Variants in BCAS3 observed in about 807,000 individuals in gnomAD.
The protein encoded by BCAS3 is BCAS4/BCAS3 fusion.
Under a neutral mutation model 116.1 loss-of-function variants are expected in BCAS3, and 53 were observed. That is an observed-to-expected ratio of 0.46 (90% CI 0.37 to 0.57). BCAS3 has a LOEUF of 0.57. Ranked by LOEUF, BCAS3 falls within the 20% of genes least tolerant of loss-of-function variation. The pLI, the probability that BCAS3 is intolerant of heterozygous loss-of-function variation, is 0.00. For synonymous variants in BCAS3, 391 were observed against 408.2 expected, an observed-to-expected ratio of 0.96 and a Z score of 0.51; for missense variants, 917 against 1,165.4, an observed-to-expected ratio of 0.79 and a Z score of 3.10.
At chr17:60,820,535 A>G (rs529685010) in intron 7 of BCAS3, among the ~76,000 whole-genome samples, 10 of 152,328 alleles carry the variant, frequency 6.6e-5, no homozygotes, top group African/African-American at 2.2e-4. Context: ...TCATTCTACA[A>G]AATTTCACAC....
rs536483097 is a variant in BCAS3 at position 61,037,858 on chromosome 17, A to G, written c.1763-31A>G. On this transcript the variant is annotated intron_variant, in intron 17 of 23. Coordinates refer to ENST00000407086, the MANE Select transcript of BCAS3 (RefSeq NM_017679.5). The surrounding 1 kb of genome is among the most constrained non-coding windows in gnomAD (Gnocchi z 4.7). ...TTCTGTGCTCCATTTATGCCATCAT[A>G]ACACATCGGGTTCTGTTTCTCTGTT... 6.2e-7 allele frequency: 1 copy of G among 1,600,910 alleles called. No homozygotes were observed. The highest frequency in any genetic ancestry group is 8.5e-7 in the Non-Finnish European group (1 of 1,170,184).
intron 22 of BCAS3, among the ~76,000 whole-genome samples, chr17:61,292,613 T>C (rs2052535956): frequency 6.6e-6 from 1 of 151,948 alleles, no homozygotes; most frequent in Non-Finnish European, 1.5e-5. Context: ...GATCACGCCA[T>C]GCACTCCAGC....
intron 22 of BCAS3, among the ~76,000 whole-genome samples, chr17:61,154,803 A>G (rs1202750057): frequency 1.3e-5 from 2 of 152,046 alleles, no homozygotes; most frequent in Non-Finnish European, 2.9e-5. Flanking sequence ...CAGAATATTT[A>G]TTTAATGTGT....
chr17:60,958,049 G>A (rs1480188066), intron 14 of BCAS3, among the ~76,000 whole-genome samples: 2 of 152,226 alleles, frequency 1.3e-5, no homozygotes, highest in Non-Finnish European at 2.9e-5. Flanking sequence ...GGATGCCTAT[G>A]GTTGCCCCAG....
intron 14 of BCAS3, among the ~76,000 whole-genome samples, chr17:60,965,902 T>G (rs2061636914): frequency 6.6e-6 from 1 of 152,208 alleles, no homozygotes; most frequent in Non-Finnish European, 1.5e-5. Context: ...TTGTTGATTT[T>G]ATGTCTGAAT....
chr17:60,970,623 A>G (rs2061907097), intron 14 of BCAS3, among the ~76,000 whole-genome samples: 1 of 152,250 alleles, frequency 6.6e-6, no homozygotes, highest in African/African-American at 2.4e-5. Context: ...TCAAATTATC[A>G]GGAAAATTTA....
intron 13 of BCAS3, among the ~76,000 whole-genome samples, chr17:60,938,715 T>TAGATAGAG (rs1328247739): frequency 1.5e-5 from 2 of 134,368 alleles, no homozygotes; most frequent in Non-Finnish European, 3.2e-5. Context: ...TGATAGAAGA[T>TAGATAGAG]AGATAGATAG....
intron 5 of BCAS3, among the ~76,000 whole-genome samples, chr17:60,742,712 G>T (rs138469947): frequency 6.6e-6 from 1 of 151,548 alleles, no homozygotes; most frequent in African/African-American, 2.4e-5. Flanking sequence ...GGATTATAAG[G>T]CATGAGCTAC....
intron 22 of BCAS3, among the ~76,000 whole-genome samples, chr17:61,223,616 T>C (rs2082230933): frequency 6.6e-6 from 1 of 152,222 alleles, no homozygotes; most frequent in Non-Finnish European, 1.5e-5. Context: ...TTTAATATAC[T>C]ACCTGCCAAT....
chr17:60,945,295 A>C (rs1027594245), intron 13 of BCAS3, among the ~76,000 whole-genome samples: 2 of 152,196 alleles, frequency 1.3e-5, no homozygotes, highest in Non-Finnish European at 2.9e-5. Context: ...AGAAGGCACA[A>C]TATTAGGATA....
chr17:60,867,022 A>C (rs2054655267), intron 7 of BCAS3, among the ~76,000 whole-genome samples: 2 of 151,692 alleles, frequency 1.3e-5, no homozygotes, highest in Admixed American at 1.3e-4. Flanking sequence ...ATGAGATCTC[A>C]TGTCTGGTAT....
chr17:60,996,645 A>G (rs1568071686), intron 15 of BCAS3, among the ~76,000 whole-genome samples: 1 of 152,172 alleles, frequency 6.6e-6, no homozygotes, highest in Non-Finnish European at 1.5e-5. Context: ...TCTGGAGTTC[A>G]GTGGAAAGCA....
At chr17:61,121,227 T>A (rs1202412931) in intron 22 of BCAS3, among the ~76,000 whole-genome samples, 3 of 152,178 alleles carry the variant, frequency 2.0e-5, no homozygotes, top group Non-Finnish European at 4.4e-5. Flanking sequence ...GAGCTAGAGA[T>A]GTAGATATAT....
In BCAS3 at chr17:61,045,954, AAT is replaced by A. The variant is rs371023337; in HGVS notation, c.2029+5072_2029+5073del. Among the ~76,000 whole-genome samples, 93 of 11,244 alleles carry A rather than the reference AAT, an allele frequency of 8.3e-3. 7 individuals are homozygous for A. Among genetic ancestry groups the A allele is most frequent in the South Asian group, 0.027 (8 of 292 alleles). The allele number at this position is 11,244 out of a possible 152,430, so 7.4% of individuals were successfully genotyped here. ...TATAAATATATATATTATATATATA[AAT>A]ATATATATAATATATATATATTATA... On this transcript the variant is annotated intron_variant, in intron 19 of 23. Coordinates refer to ENST00000407086, the MANE Select transcript of BCAS3 (RefSeq NM_017679.5).
Position 61,175,513 on chromosome 17 carries a change from T to A in BCAS3, c.2425+90949T>A, listed in dbSNP as rs543258310. On this transcript the variant is annotated intron_variant, in intron 22 of 23. Coordinates refer to ENST00000407086, the MANE Select transcript of BCAS3 (RefSeq NM_017679.5). ...TCATGGGGAAGGGCATTATACTCCA[T>A]GTTTTTATCTTAGCAAAACATATGT... 7.2e-5 allele frequency among the ~76,000 whole-genome samples: 11 copies of A among 152,356 alleles called. No homozygotes were observed. The East Asian group carries it at 1.2e-3, about 16-fold the overall frequency.
chr17:61,240,597 T>A (rs536572407), intron 22 of BCAS3, among the ~76,000 whole-genome samples: 57 of 152,310 alleles, frequency 3.7e-4, no homozygotes, highest in Non-Finnish European at 6.3e-4. Flanking sequence ...GAGGTTGCAG[T>A]GAGCTGAGAT....
chr17:60,709,603 G>T (rs1342109828), intron 5 of BCAS3: 1 of 305,068 alleles, frequency 3.3e-6, no homozygotes, highest in African/African-American at 2.3e-5. Flanking sequence ...TGGCCAGGCT[G>T]GTCTCAAACT....
At chr17:61,262,691 A>AT (rs556925842) in intron 22 of BCAS3, among the ~76,000 whole-genome samples, 16,712 of 132,820 alleles carry the variant, frequency 0.13, 1,046 homozygotes, top group Middle Eastern at 0.16. Flanking sequence ...AGGAGACTTA[A>AT]TTTTTTTTTT....
intron 7 of BCAS3, among the ~76,000 whole-genome samples, chr17:60,832,806 C>T (rs1041219175): frequency 2.7e-4 from 41 of 152,098 alleles, no homozygotes; most frequent in Non-Finnish European, 5.4e-4. Context: ...TTTCCAGTTT[C>T]CATTATTAGT....
Sources: gnomAD v4.1 joint callset for allele counts (sites outside exome capture counted in the v4.1 genomes callset) on GRCh38, gnomAD v4.1.1 for gene constraint, Gnocchi (gnomAD v3.1) non-coding constraint, MANE v1.5 for transcripts, NCBI Gene and HGNC (gene_info 2026-07-23, HGNC 2026-07-21) for gene names.